ACBD3: variants seen among roughly 807,000 people sequenced by gnomAD.
ACBD3 encodes the protein Golgi resident protein GCP60.
A neutral mutation model predicts 66.9 loss-of-function variants in ACBD3; 30 were observed. The ratio of observed to expected loss-of-function variants is 0.45; its 90% CI spans 0.34 to 0.61. ACBD3 has a LOEUF of 0.61. Among genes scored for constraint, ACBD3 ranks in the 20% least tolerant of loss-of-function variants. The probability of loss-of-function intolerance (pLI) is 0.02; values close to 1 mark genes in which losing one functional copy is unlikely to be tolerated. For synonymous variants in ACBD3, 278 were observed against 259.8 expected (o/e 1.07, Z -0.68); for missense variants, 544 against 664.5 (o/e 0.82, Z 1.99).
chr1:226,166,921 C>G (rs182131252), intron 1 of ACBD3, among the ~76,000 whole-genome samples: 2 of 152,274 alleles, frequency 1.3e-5, no homozygotes, highest in Admixed American at 6.5e-5. Context: ...CTCAGCCTCC[C>G]GAGAAGCTGG....
intron 1 of ACBD3, among the ~76,000 whole-genome samples, chr1:226,170,766 T>C (rs540198725): frequency 6.6e-6 from 1 of 152,200 alleles, no homozygotes; most frequent in East Asian, 1.9e-4. Flanking sequence ...GGAGGGTTCA[T>C]TTCCTACCAG....
At position 226,146,394 on chromosome 1, in the gene ACBD3, A is replaced by AG; in HGVS notation, c.*215dup. On this transcript the variant is annotated 3_prime_UTR_variant, in exon 8 of 8. Coordinates refer to ENST00000366812, the MANE Select transcript of ACBD3 (RefSeq NM_022735.4). Reference sequence around the variant, plus strand: ...TAGTGACTCTGCTGGTCAGCACCCAAGGGCTGGATGAGTCTGAGGAATCTC... The same window carrying AG: ...TAGTGACTCTGCTGGTCAGCACCCAAGGGGCTGGATGAGTCTGAGGAATCTC... 1.9e-6 allele frequency: 1 copy of AG among 522,884 alleles called. No individual in the cohort carries two copies. The highest frequency in any genetic ancestry group is 3.4e-6 in the Non-Finnish European group (1 of 291,614). The allele number at this position is 522,884 out of a possible 1,614,324, so 32.4% of individuals were successfully genotyped here. A position where few individuals can be genotyped will look rare whatever the true frequency, so the allele number is the denominator to read the frequency against.
At chr1:226,173,141 C>T (rs952309648) in intron 1 of ACBD3, among the ~76,000 whole-genome samples, 2 of 152,146 alleles carry the variant, frequency 1.3e-5, no homozygotes, top group Middle Eastern at 3.4e-3. Flanking sequence ...GGCATGGTGG[C>T]GTGTACCACA....
intron 1 of ACBD3, among the ~76,000 whole-genome samples, chr1:226,173,735 T>C (rs2102787339): frequency 6.7e-6 from 1 of 149,520 alleles, no homozygotes; most frequent in East Asian, 1.9e-4. Flanking sequence ...GTGAGAATAA[T>C]TTTCTTCTTT....
At chr1:226,185,085 C>A (rs777363304) in intron 1 of ACBD3, among the ~76,000 whole-genome samples, 1 of 152,032 alleles carries the variant, frequency 6.6e-6, no homozygotes, top group Non-Finnish European at 1.5e-5. Context: ...ACAGAAACCA[C>A]CTGATTTTTA....
At chr1:226,162,218 A>T (rs1460351025) in intron 3 of ACBD3, among the ~76,000 whole-genome samples, 1 of 152,116 alleles carries the variant, frequency 6.6e-6, no homozygotes, top group African/African-American at 2.4e-5. Context: ...GAGCCAAAGG[A>T]TAGAAATACA....
At position 226,186,577 on chromosome 1, in the gene ACBD3, C is replaced by A; in HGVS notation, c.99G>T (p.Pro33=). 1 of 1,370,976 alleles carries A rather than the reference C, an allele frequency of 7.3e-7. No individual in the cohort carries two copies. The highest frequency in any genetic ancestry group is 9.4e-7 in the Non-Finnish European group (1 of 1,066,934). 84.9% of individuals were successfully genotyped at this position (1,370,976 alleles called of 1,614,324 possible). A position where few individuals can be genotyped will look rare whatever the true frequency, so the allele number is the denominator to read the frequency against. Residue 33 remains proline, a synonymous_variant, in exon 1 of 8, where the codon CCG becomes CCT. Coordinates refer to ENST00000366812, the MANE Select transcript of ACBD3 (RefSeq NM_022735.4). Reference sequence around the variant, plus strand: ...GCGGTGGCAGCGGTGGCGGCAGCAGCGGGGCGCCCTCCGCCCCAGGCCGCT... The same window carrying A: ...GCGGTGGCAGCGGTGGCGGCAGCAGAGGGGCGCCCTCCGCCCCAGGCCGCT... ...PEERPGAEGA[P]LLPPPLPPPS...
intron 4 of ACBD3, 145 bp from the exon 5 acceptor site, chr1:226,159,503 G>T: frequency 1.5e-6 from 1 of 666,870 alleles, no homozygotes; most frequent in Non-Finnish European, 2.3e-6. Flanking sequence ...ATGTGTTCTG[G>T]GTCCAGAAGA....
intron 1 of ACBD3, among the ~76,000 whole-genome samples, chr1:226,185,184 C>T (rs1213163127): frequency 6.6e-6 from 1 of 152,094 alleles, no homozygotes; most frequent in Non-Finnish European, 1.5e-5. Flanking sequence ...TTAGCCATTA[C>T]CAATTCCCCA....
At chr1:226,160,315 CCT>C (rs1659748345) in intron 4 of ACBD3, among the ~76,000 whole-genome samples, 1 of 100 alleles carries the variant, frequency 0.01, no homozygotes, top group Middle Eastern at 0.5. Context: ...GTTTCAAACC[CCT>C]GACCTCAATC....
chr1:226,164,929 C>T lies in ACBD3; in HGVS notation c.429G>A (p.Arg143=). Residue 143 remains arginine, a splice_region_variant and synonymous_variant, in exon 3 of 8, where the codon AGG becomes AGA. Transcript: ENST00000366812. The part of the protein sequence containing the change: ...GFFDVLGNDR[R]REWAALGNMS... ...TGTTTCCCAGGGCTGCCCATTCTCT[C>T]CTGTAAGGAATAACAAGAAAAGTTA... 6.4e-7 allele frequency: 1 copy of T among 1,552,656 alleles called. No homozygotes were observed. Among genetic ancestry groups the T allele is most frequent in the Non-Finnish European group, 8.7e-7 (1 of 1,151,486 alleles).
intron 1 of ACBD3, among the ~76,000 whole-genome samples, chr1:226,171,121 G>A (rs1162666167): frequency 6.7e-6 from 1 of 150,320 alleles, no homozygotes; most frequent in Admixed American, 6.7e-5. Context: ...TGAACTAGGC[G>A]CAGGGTCTTT....
intron 3 of ACBD3, among the ~76,000 whole-genome samples, chr1:226,162,798 ATTTT>A (rs1247600853): frequency 7.2e-6 from 1 of 139,818 alleles, no homozygotes; most frequent in Non-Finnish European, 1.6e-5. Flanking sequence ...AACATGACCT[ATTTT>A]TTTTTTTTTT....
intron 1 of ACBD3, among the ~76,000 whole-genome samples, chr1:226,177,682 C>T (rs146145692): frequency 9.2e-5 from 14 of 152,052 alleles, no homozygotes; most frequent in East Asian, 3.9e-4. Flanking sequence ...GTCCGGTACA[C>T]GTTAGGGCTT....
At chr1:226,154,533 A>T in intron 6 of ACBD3, 114 bp downstream of exon 6, 1 of 1,249,610 alleles carries the variant, frequency 8.0e-7, no homozygotes, top group South Asian at 1.5e-5. Flanking sequence ...AAAATGTTCA[A>T]CTCTCACAAA....
At chr1:226,153,380 T>G (rs1176509412) in intron 6 of ACBD3, among the ~76,000 whole-genome samples, 1 of 152,178 alleles carries the variant, frequency 6.6e-6, no homozygotes, top group Non-Finnish European at 1.5e-5. Flanking sequence ...AAACCAAATT[T>G]CTTATGAACC....
At chr1:226,180,155 A>G (rs1397985511) in intron 1 of ACBD3, among the ~76,000 whole-genome samples, 1 of 149,390 alleles carries the variant, frequency 6.7e-6, no homozygotes, top group Non-Finnish European at 1.5e-5. Context: ...TGGGCAACAG[A>G]GCAAGACTCT....
chr1:226,172,392 T>C (rs942293484), intron 1 of ACBD3, among the ~76,000 whole-genome samples: 10 of 152,062 alleles, frequency 6.6e-5, no homozygotes, highest in Non-Finnish European at 1.5e-4. Flanking sequence ...TTTACTCTTT[T>C]ATGCACGTAC....
At chr1:226,168,203 A>G (rs1316301750) in intron 1 of ACBD3, among the ~76,000 whole-genome samples, 2 of 152,222 alleles carry the variant, frequency 1.3e-5, no homozygotes, top group Admixed American at 6.5e-5. Context: ...TACAACAACA[A>G]GTTATGTGAA....
Sources: allele counts gnomAD v4.1 joint callset (sites outside exome capture counted in the v4.1 genomes callset), GRCh38; gene constraint gnomAD v4.1.1; transcripts MANE v1.5; gene names NCBI Gene and HGNC (gene_info 2026-07-23, HGNC 2026-07-21).